Variants in ADGRB1 observed in about 807,000 individuals in gnomAD.
ADGRB1 encodes brain-specific angiogenesis inhibitor 1.
ADGRB1 carries 36 observed loss-of-function variants against 175.7 expected under a neutral mutation model. The ratio of observed to expected loss-of-function variants is 0.20; its 90% CI spans 0.16 to 0.27. The LOEUF (loss-of-function observed/expected upper bound fraction) is 0.27, where lower values mean the gene tolerates loss of function less well. Among genes scored for constraint, ADGRB1 ranks in the 10% least tolerant of loss-of-function variants. The pLI, the probability that ADGRB1 is intolerant of heterozygous loss-of-function variation, is 1.00. For synonymous variants in ADGRB1, 1,054 were observed against 979.4 expected (o/e 1.08, Z -1.42); for missense variants, 1,731 against 2,255.3 (o/e 0.77, Z 4.71).
chr8:142,519,305 G>T (rs987756153), intron 19 of ADGRB1, among the ~76,000 whole-genome samples: 1 of 152,138 alleles, frequency 6.6e-6, no homozygotes, highest in Non-Finnish European at 1.5e-5. Flanking sequence ...TGAGCTGCCG[G>T]CAGGGACTGT....
rs1294273738 is a variant in ADGRB1 at position 142,464,951 on chromosome 8, G to C, written c.753G>C (p.Leu251=). Residue 251 remains leucine, a synonymous_variant, in exon 2 of 31, where the codon CTG becomes CTC. Coordinates refer to ENST00000517894, the MANE Select transcript of ADGRB1 (RefSeq NM_001702.3). The stretch of plus-strand genomic sequence containing the variant: ...GCCCTGAAAACTGCCTCACCAGCCT[G>C]ACCCAGGACCGGGGCGGGCACGGCG... ...AGGPENCLTS[L]TQDRGGHGAT... 6.6e-7 allele frequency: 1 copy of C among 1,526,666 alleles called. No individual in the cohort carries two copies. The highest frequency in any genetic ancestry group is 2.5e-5 in the East Asian group (1 of 39,722). 94.6% of individuals were successfully genotyped at this position (1,526,666 alleles called of 1,614,324 possible). A position where few individuals can be genotyped will look rare whatever the true frequency, so the allele number is the denominator to read the frequency against.
At chr8:142,480,674 T>C (rs1211538948) in intron 9 of ADGRB1, among the ~76,000 whole-genome samples, 1 of 152,246 alleles carries the variant, frequency 6.6e-6, no homozygotes, top group African/African-American at 2.4e-5. Context: ...CCTGTGGCTC[T>C]TGTCAGGTGT....
chr8:142,477,363 A>G lies in ADGRB1; in HGVS notation c.1223-22A>G, dbSNP rs747365973. On this transcript the variant is annotated intron_variant, in intron 5 of 30. Coordinates refer to ENST00000517894, the MANE Select transcript of ADGRB1 (RefSeq NM_001702.3). ...GGGGGCGGTGGCCGCAGTGGGCAGC[A>G]GCACCTTCCGTCCCTCTGCAGTGCA... 6.4e-6 allele frequency: 10 copies of G among 1,556,876 alleles called. No homozygotes were observed. The South Asian group carries it at 1.0e-4, about 16-fold the overall frequency.
intron 19 of ADGRB1, among the ~76,000 whole-genome samples, chr8:142,518,551 C>A (rs1290400496): frequency 6.6e-6 from 1 of 152,216 alleles, no homozygotes; most frequent in East Asian, 1.9e-4. Context: ...CTTAGGCATG[C>A]AGGCCAGGCC....
chr8:142,521,112 C>T (rs1287741322), intron 20 of ADGRB1, among the ~76,000 whole-genome samples, 187 bp downstream of exon 20: 1 of 152,170 alleles, frequency 6.6e-6, no homozygotes, highest in African/African-American at 2.4e-5. Flanking sequence ...CTGTCAGGGG[C>T]TGGTCAGCCG....
chr8:142,473,395 C>T (rs1192149301), intron 2 of ADGRB1, among the ~76,000 whole-genome samples: 1 of 152,194 alleles, frequency 6.6e-6, no homozygotes, highest in Non-Finnish European at 1.5e-5. Context: ...GCACCTGGGC[C>T]CCAGACAGTC....
chr8:142,531,412 G>A (rs562414452), intron 24 of ADGRB1, among the ~76,000 whole-genome samples: 2 of 152,342 alleles, frequency 1.3e-5, no homozygotes, highest in African/African-American at 4.8e-5. Context: ...ACGGTCATGG[G>A]CAAGGGAGGC....
chr8:142,459,837 T>C (rs1839877746), intron 1 of ADGRB1, among the ~76,000 whole-genome samples: 1 of 152,208 alleles, frequency 6.6e-6, no homozygotes, highest in Non-Finnish European at 1.5e-5. Flanking sequence ...CCTGTGACCC[T>C]GTCCACATTG....
chr8:142,486,074 G>A (rs181779270), intron 13 of ADGRB1, among the ~76,000 whole-genome samples: 9 of 152,242 alleles, frequency 5.9e-5, no homozygotes, highest in East Asian at 1.9e-4. Context: ...TTTCCAACAC[G>A]TGAACGTTTA....
At chr8:142,540,327 G>C (rs1845192229) in intron 27 of ADGRB1, among the ~76,000 whole-genome samples, 1 of 152,240 alleles carries the variant, frequency 6.6e-6, no homozygotes, top group South Asian at 2.1e-4. Context: ...GCCCCCTTGG[G>C]GTCTCCTGTG....
In ADGRB1 at chr8:142,464,490, C is replaced by G. The variant is rs748217392; in HGVS notation, c.292C>G (p.Arg98Gly). 43 of 1,581,220 alleles carry G rather than the reference C, an allele frequency of 2.7e-5. No homozygotes were observed. Among genetic ancestry groups the G allele is most frequent in the Non-Finnish European group, 3.5e-5 (41 of 1,168,310 alleles). Reference sequence around the variant, plus strand: ...GCCCGTGCCCTGCAGCGGCCCCGGCCGCGTGCGCACCTACCAGTTCGACTC... The same window carrying G: ...GCCCGTGCCCTGCAGCGGCCCCGGCGGCGTGCGCACCTACCAGTTCGACTC... ...KAPVPCSGPG[R>G]VRTYQFDSFL... Residue 98 changes from arginine to glycine, a missense_variant, in exon 2 of 31, where the codon CGC becomes GGC. Transcript: ENST00000517894.
intron 18 of ADGRB1, among the ~76,000 whole-genome samples, chr8:142,516,320 C>T (rs949436341): frequency 5.9e-5 from 7 of 118,186 alleles, no homozygotes; most frequent in Admixed American, 9.1e-5. Flanking sequence ...GTGTGCGGGC[C>T]CCAGGTGCAT....
At chr8:142,451,318 C>T (rs1839337406) in intron 1 of ADGRB1, among the ~76,000 whole-genome samples, 1 of 152,220 alleles carries the variant, frequency 6.6e-6, no homozygotes, top group Non-Finnish European at 1.5e-5. Flanking sequence ...CAGCCCCAGG[C>T]CGCTGGGCAC....
At chr8:142,457,281 C>T (rs1839733801) in intron 1 of ADGRB1, among the ~76,000 whole-genome samples, 1 of 152,222 alleles carries the variant, frequency 6.6e-6, no homozygotes, top group South Asian at 2.1e-4. Flanking sequence ...AGGCTGTGAT[C>T]ACCTTGCCTT....
intron 24 of ADGRB1, among the ~76,000 whole-genome samples, chr8:142,527,472 C>T (rs1400018379): frequency 6.6e-6 from 1 of 152,144 alleles, no homozygotes; most frequent in East Asian, 1.9e-4. Context: ...AAGCCTTCCC[C>T]TTGGGTGCCT....
chr8:142,529,321 C>G (rs181781116), intron 24 of ADGRB1, among the ~76,000 whole-genome samples: 1 of 151,788 alleles, frequency 6.6e-6, no homozygotes, highest in Non-Finnish European at 1.5e-5. Flanking sequence ...AGAGCATGAC[C>G]AGGTGTGTGC....
At chr8:142,536,933 T>A in intron 25 of ADGRB1, 54 bp from the exon 26 acceptor site, 1 of 1,461,966 alleles carries the variant, frequency 6.8e-7, no homozygotes, top group Non-Finnish European at 9.2e-7. Flanking sequence ...GATCTGGCGC[T>A]GGCGCAGGGT....
In ADGRB1 at chr8:142,464,658, G is replaced by T. The variant is rs989704280; in HGVS notation, c.460G>T (p.Asp154Tyr). The T allele has an allele frequency of 2.0e-6, 3 of 1,521,698 alleles. No homozygotes were observed. The highest frequency in any genetic ancestry group is 1.2e-5 in the South Asian group (1 of 82,512). The allele number at this position is 1,521,698 out of a possible 1,614,324, so 94.3% of individuals were successfully genotyped here. ...GCGGCGCCAGCAGCCGCCCCAGCAC[G>T]ACGGGCTCCGGCCCCGGGCCGGGCC... ...QMRRQQPPQH[D>Y]GLRPRAGPPG... is the part of the protein sequence containing the mutation. Residue 154 changes from aspartate (D) to tyrosine (Y), a missense_variant, in exon 2 of 31, where the codon GAC (aspartate) becomes TAC (tyrosine). By Grantham distance (160) the Asp-to-Tyr change is radical. Transcript: ENST00000517894.
At position 142,544,637 on chromosome 8, in the gene ADGRB1, G is replaced by C; in HGVS notation, c.*220G>C. The stretch of plus-strand genomic sequence containing the variant: ...GGCCAGCGGGCACAGGGCACCAGAG[G>C]CCGAAGGTGCCTCAGACTCCGCCCT... On this transcript the variant is annotated 3_prime_UTR_variant, in exon 31 of 31. Transcript: ENST00000517894. The C allele has an allele frequency of 2.2e-6, 1 of 456,704 alleles. No homozygotes were observed. The highest frequency in any genetic ancestry group is 3.6e-6 in the Non-Finnish European group (1 of 275,808). 28.3% of individuals were successfully genotyped at this position (456,704 alleles called of 1,614,324 possible). A position where few individuals can be genotyped will look rare whatever the true frequency, so the allele number is the denominator to read the frequency against.
Sources: allele counts gnomAD v4.1 joint callset (sites outside exome capture counted in the v4.1 genomes callset), GRCh38; gene constraint gnomAD v4.1.1; transcripts MANE v1.5; gene names NCBI Gene and HGNC (gene_info 2026-07-23, HGNC 2026-07-21).